The following AUTS2 variants were observed in gnomAD, a reference collection of about 807,000 sequenced individuals.
The protein encoded by AUTS2 is activator of transcription and developmental regulator AUTS2, also known as autism susceptibility gene 2 protein.
Under a neutral mutation model 112.4 loss-of-function variants are expected in AUTS2, and 17 were observed. That is an observed-to-expected ratio of 0.15 (90% CI 0.10 to 0.23). The LOEUF (loss-of-function observed/expected upper bound fraction) is 0.23. AUTS2 is among the 10% of genes least tolerant of loss of function. The probability of loss-of-function intolerance (pLI) is 1.00; values close to 1 mark genes in which losing one functional copy is unlikely to be tolerated. For synonymous variants in AUTS2, 751 were observed against 702.7 expected (o/e 1.07, Z -1.09); for missense variants, 1,510 against 1,701.6 (o/e 0.89, Z 1.98).
chr7:70,312,664 C>G (rs554937290), intron 4 of AUTS2, among the ~76,000 whole-genome samples: 5 of 152,238 alleles, frequency 3.3e-5, no homozygotes, highest in African/African-American at 4.8e-5. Flanking sequence ...AAGGGTGGCC[C>G]CACACCAGGA....
At chr7:69,740,221 A>T (rs921149650) in intron 1 of AUTS2, among the ~76,000 whole-genome samples, 22 of 150,336 alleles carry the variant, frequency 1.5e-4, no homozygotes, top group African/African-American at 5.0e-4. Context: ...TTCTGTGGAC[A>T]TGATTGGCTG....
At chr7:70,307,000 T>G (rs1370063249) in intron 4 of AUTS2, among the ~76,000 whole-genome samples, 2 of 152,196 alleles carry the variant, frequency 1.3e-5, no homozygotes, top group Non-Finnish European at 2.9e-5. Flanking sequence ...GTAAAAATTC[T>G]TAGATAACTG....
chr7:70,011,930 A>G (rs749695352), intron 2 of AUTS2, among the ~76,000 whole-genome samples: 6 of 152,008 alleles, frequency 3.9e-5, no homozygotes, highest in Non-Finnish European at 8.8e-5. Context: ...CCTCCTACAC[A>G]GTGGAGAGGA....
chr7:69,727,182 A>AT (rs947160644), intron 1 of AUTS2, among the ~76,000 whole-genome samples: 3 of 152,112 alleles, frequency 2.0e-5, no homozygotes, highest in African/African-American at 7.2e-5. Context: ...TTTGAGTGTG[A>AT]TATGAGGTAA....
At chr7:69,987,955 T>A (rs1189104786) in intron 2 of AUTS2, among the ~76,000 whole-genome samples, 1 of 152,132 alleles carries the variant, frequency 6.6e-6, no homozygotes, top group Non-Finnish European at 1.5e-5. Flanking sequence ...CTAAGAGGTG[T>A]GCGTGTGTAT....
At chr7:70,038,103 A>C (rs1166273286) in intron 2 of AUTS2, among the ~76,000 whole-genome samples, 2 of 151,814 alleles carry the variant, frequency 1.3e-5, no homozygotes, top group Non-Finnish European at 2.9e-5. Flanking sequence ...AGTGGTTTTG[A>C]CAGGTGAGTG....
chr7:70,289,704 T>TCCCTTC (rs1788623496), intron 4 of AUTS2, among the ~76,000 whole-genome samples: 1 of 152,194 alleles, frequency 6.6e-6, no homozygotes, highest in South Asian at 2.1e-4. Flanking sequence ...GTGTTGAGGA[T>TCCCTTC]TAGATGATTT....
intron 5 of AUTS2, among the ~76,000 whole-genome samples, chr7:70,598,385 C>A (rs966493059): frequency 6.6e-6 from 1 of 152,188 alleles, no homozygotes; most frequent in East Asian, 1.9e-4. Flanking sequence ...CCTTTTATTT[C>A]CCATGAAATT....
chr7:70,325,394 A>G (rs1790441312), intron 4 of AUTS2, among the ~76,000 whole-genome samples: 1 of 152,200 alleles, frequency 6.6e-6, no homozygotes, highest in South Asian at 2.1e-4. Flanking sequence ...AAAGAAGTAC[A>G]AAATTTGAAA....
chr7:69,681,069 T>G (rs1796769875), intron 1 of AUTS2, among the ~76,000 whole-genome samples: 1 of 152,276 alleles, frequency 6.6e-6, no homozygotes, highest in Non-Finnish European at 1.5e-5. Flanking sequence ...TCAAAGTTCA[T>G]GTACCATATG....
chr7:69,807,156 C>G (rs1487831970), intron 1 of AUTS2, among the ~76,000 whole-genome samples: 2 of 152,154 alleles, frequency 1.3e-5, no homozygotes, highest in Admixed American at 6.5e-5. Context: ...TGAGCACAAT[C>G]TAATTTTGTT....
At chr7:70,204,247 A>G (rs1810456554) in intron 4 of AUTS2, among the ~76,000 whole-genome samples, 1 of 152,182 alleles carries the variant, frequency 6.6e-6, no homozygotes, top group Non-Finnish European at 1.5e-5. Flanking sequence ...GGGGAAATAT[A>G]TATTCAGTAT....
At chr7:69,618,474 C>T (rs1417806695) in intron 1 of AUTS2, among the ~76,000 whole-genome samples, 5 of 152,066 alleles carry the variant, frequency 3.3e-5, no homozygotes, top group Admixed American at 6.5e-5. Context: ...GAGTGTGTTA[C>T]GGAATACAGG....
intron 1 of AUTS2, among the ~76,000 whole-genome samples, chr7:69,614,490 G>A (rs1466040621): frequency 6.6e-6 from 1 of 151,536 alleles, no homozygotes; most frequent in African/African-American, 2.4e-5. Flanking sequence ...AGGACCTGTT[G>A]GTGTGTGTCA....
chr7:70,467,878 G>A (rs969784792), intron 5 of AUTS2, among the ~76,000 whole-genome samples: 2 of 152,168 alleles, frequency 1.3e-5, no homozygotes, highest in African/African-American at 4.8e-5. Context: ...AGAGGTTGGA[G>A]GAAGCAAGGT....
intron 1 of AUTS2, among the ~76,000 whole-genome samples, chr7:69,680,421 C>A (rs922549406): frequency 6.6e-6 from 1 of 152,184 alleles, no homozygotes; most frequent in Non-Finnish European, 1.5e-5. Context: ...TGCTAGCATA[C>A]ACGCATTATC....
intron 1 of AUTS2, among the ~76,000 whole-genome samples, chr7:69,650,844 G>A (rs1795255552): frequency 6.6e-6 from 1 of 152,148 alleles, no homozygotes; most frequent in Admixed American, 6.5e-5. Flanking sequence ...GGCATGCTGT[G>A]TTTCATCTCT....
intron 2 of AUTS2, among the ~76,000 whole-genome samples, chr7:69,953,102 T>C (rs1394747778): frequency 1.3e-5 from 2 of 152,200 alleles, no homozygotes; most frequent in Admixed American, 6.5e-5. Flanking sequence ...TTTATTTACA[T>C]AAAACCTATC....
chr7:70,500,265 C>G (rs144867409), intron 5 of AUTS2, among the ~76,000 whole-genome samples: 4 of 152,122 alleles, frequency 2.6e-5, no homozygotes, highest in Non-Finnish European at 5.9e-5. Context: ...CTCTCCCGTC[C>G]TGTTCTTGGA....
Sources: allele counts gnomAD v4.1 joint callset (sites outside exome capture counted in the v4.1 genomes callset), GRCh38; gene constraint gnomAD v4.1.1; transcripts MANE v1.5; gene names NCBI Gene and HGNC (gene_info 2026-07-23, HGNC 2026-07-21).